SHD: variants seen among roughly 807,000 people sequenced by gnomAD.
The protein encoded by SHD is SH2 domain-containing adapter protein D.
SHD carries 29 observed loss-of-function variants against 31.2 expected under a neutral mutation model. The observed-to-expected ratio is 0.93, with a 90% confidence interval of 0.69 to 1.27. The LOEUF is 1.27. SHD is among the 50% of genes most tolerant of loss of function. The pLI is 0.00. For missense variants in SHD, 520 were observed against 453.8 expected (o/e 1.15, Z -1.33); for synonymous variants, 208 against 187.8 (o/e 1.11, Z -0.88).
Position 4,290,710 on chromosome 19 carries a change from A to G in SHD, c.*77A>G, listed in dbSNP as rs151167249. On this transcript the variant is annotated 3_prime_UTR_variant, in exon 6 of 6. Transcript: ENST00000543264. ...AGCCCTCCCATGGCCTAGAAAATAAATAAGTTATTGTTTGTCTTAGTGTCC... is the reference window on the plus strand; with the variant it reads ...AGCCCTCCCATGGCCTAGAAAATAAGTAAGTTATTGTTTGTCTTAGTGTCC... 7.0e-7 allele frequency: 1 copy of G among 1,423,292 alleles called. No individual in the cohort carries two copies. The allele number at this position is 1,423,292 out of a possible 1,614,324, so 88.2% of individuals were successfully genotyped here.
intron 4 of SHD, among the ~76,000 whole-genome samples, chr19:4,286,241 T>TTCTTTCTTTCTTTCTTTCTC (rs1176712881): frequency 4.8e-5 from 5 of 104,312 alleles, no homozygotes; most frequent in South Asian, 3.6e-4. Context: ...TTTTCTTTCT[T>TTCTTTCTTTCTTTCTTTCTC]TCTTTCTTTC....
chr19:4,280,449 T>C (rs1971246586), intron 1 of SHD, 89 bp downstream of exon 1: 1 of 1,395,202 alleles, frequency 7.2e-7, no homozygotes, highest in African/African-American at 1.4e-5. Flanking sequence ...TTATGTGTGA[T>C]CACAGGAGGG....
chr19:4,289,407 G>C (rs1340158735), intron 5 of SHD, among the ~76,000 whole-genome samples: 1 of 151,172 alleles, frequency 6.6e-6, no homozygotes, highest in East Asian at 2.0e-4. Context: ...CGCCATGCCC[G>C]GCTAATTTTT....
chr19:4,284,944 G>A, intron 4 of SHD, 40 bp downstream of exon 4: 3 of 1,512,188 alleles, frequency 2.0e-6, no homozygotes, highest in East Asian at 2.5e-5. Context: ...CCCGTTGAAC[G>A]TATCTGTAGA....
intron 1 of SHD, among the ~76,000 whole-genome samples, chr19:4,281,504 T>G (rs1269054972): frequency 2.3e-5 from 3 of 133,246 alleles, no homozygotes; most frequent in Non-Finnish European, 4.7e-5. Flanking sequence ...ACACCTGTAA[T>G]CCCAGCACTT....
At chr19:4,281,062 C>G (rs1971252119) in intron 1 of SHD, among the ~76,000 whole-genome samples, 1 of 151,948 alleles carries the variant, frequency 6.6e-6, no homozygotes, top group Non-Finnish European at 1.5e-5. Flanking sequence ...CTTCCTACCA[C>G]TATGTTCCCG....
At chr19:4,287,466 G>A (rs554115459) in intron 4 of SHD, among the ~76,000 whole-genome samples, 11 of 151,956 alleles carry the variant, frequency 7.2e-5, no homozygotes, top group African/African-American at 1.2e-4. Context: ...TCAAGTGTAC[G>A]ATAACCAGGG....
At chr19:4,286,322 T>TCCTTCCTA (rs61087690) in intron 4 of SHD, among the ~76,000 whole-genome samples, 1,478 of 137,494 alleles carry the variant, frequency 0.011, 51 homozygotes, top group African/African-American at 0.03. Flanking sequence ...CTTCCTACCT[T>TCCTTCCTA]CCTTCCTTCC....
Position 4,280,217 on chromosome 19 carries a change from C to T in SHD, c.154C>T (p.Arg52Cys), listed in dbSNP as rs780651125. 59 of 1,613,782 alleles carry T rather than the reference C, an allele frequency of 3.7e-5. No individual in the cohort carries two copies. Among genetic ancestry groups the T allele is most frequent in the African/African-American group, 9.3e-5 (7 of 74,914 alleles). The change falls in exon 1 of 6, where the codon CGC becomes TGC. Residue 52 changes from arginine to cysteine, a missense_variant. By Grantham distance (180) the Arg-to-Cys change is radical (BLOSUM62 -3). Coordinates refer to ENST00000543264, the MANE Select transcript of SHD (RefSeq NM_020209.4). ...GGACCCCTATGAGGACGCGGAGAGC[C>T]GCTTGGAGCCGGACCCCGCGGGCCC... ...FEDPYEDAES[R>C]LEPDPAGPGD...
At chr19:4,288,933 C>T (rs1032798052) in intron 5 of SHD, among the ~76,000 whole-genome samples, 7 of 151,866 alleles carry the variant, frequency 4.6e-5, no homozygotes, top group East Asian at 1.9e-4. Flanking sequence ...GTCAGGAGTT[C>T]GAGACCAGCC....
chr19:4,282,063 G>A (rs907880979), intron 1 of SHD, among the ~76,000 whole-genome samples: 1 of 152,158 alleles, frequency 6.6e-6, no homozygotes, highest in African/African-American at 2.4e-5. Flanking sequence ...GGGAGACGTG[G>A]GAAGCCAGCC....
chr19:4,283,206 G>A lies in SHD; in HGVS notation c.556G>A (p.Glu186Lys). The A allele has an allele frequency of 6.2e-7, 1 of 1,614,070 alleles. No individual in the cohort carries two copies. Among genetic ancestry groups the A allele is most frequent in the Non-Finnish European group, 8.5e-7 (1 of 1,179,966 alleles). The change falls in exon 3 of 6, where the codon GAG becomes AAG. Residue 186 changes from glutamate to lysine, a missense_variant. Glu to Lys is a moderately conservative substitution (Grantham distance 56). Transcript: ENST00000543264. ...AGCAGATGAGTATGATCAGCCCTGG[G>A]AGTGGAAGAAAGACCACATCTCCAG... The part of the protein sequence containing the change: ...RPADEYDQPW[E>K]WKKDHISRAF...
rs71340905 is a variant in SHD at position 4,286,279 on chromosome 19, CT to C, written c.716+1382del. 6.2e-3 allele frequency among the ~76,000 whole-genome samples: 718 copies of C among 115,880 alleles called. 14 individuals are homozygous for C. Among genetic ancestry groups the C allele is most frequent in the Non-Finnish European group, 5.7e-3 (299 of 52,844 alleles). 76.0% of individuals were successfully genotyped at this position (115,880 alleles called of 152,430 possible). The stretch of plus-strand genomic sequence containing the variant: ...TCTTTCTCTCTTTCTTTCTTTCTTT[CT>C]TTTTTTCTTTCCTTCCTTCCTTCCT... On this transcript the variant is annotated intron_variant, in intron 4 of 5. Coordinates refer to ENST00000543264, the MANE Select transcript of SHD (RefSeq NM_020209.4).
rs540470802 is a variant in SHD at position 4,283,017 on chromosome 19, T to C, written c.404-37T>C. The C allele has an allele frequency of 4.3e-6, 7 of 1,614,036 alleles. No individual in the cohort carries two copies. The East Asian group carries it at 1.1e-4, about 26-fold the overall frequency. ...TGGGGGAAGGTGACAGGGTCCCAGATGGGAGCAGGAGCTGAACAGTGTCCC... is the reference window on the plus strand; with the variant it reads ...TGGGGGAAGGTGACAGGGTCCCAGACGGGAGCAGGAGCTGAACAGTGTCCC... On this transcript the variant is annotated intron_variant, in intron 2 of 5. Coordinates refer to ENST00000543264, the MANE Select transcript of SHD (RefSeq NM_020209.4).
In SHD at chr19:4,288,209, G is replaced by A. The variant is rs568883041; in HGVS notation, c.717-34G>A. 1.2e-5 allele frequency: 19 copies of A among 1,603,628 alleles called. No individual in the cohort carries two copies. In the South Asian group the frequency reaches 1.9e-4, roughly 16 times the overall value. On this transcript the variant is annotated intron_variant, in intron 4 of 5. Transcript: ENST00000543264. ...GCCCCAGAGTGTGTTTGAAGGGAAT[G>A]GCCCTTGATGAGACATCTGTCCATA...
At chr19:4,286,198 TTCTTTTTC>T (rs1377689837) in intron 4 of SHD, among the ~76,000 whole-genome samples, 3 of 133,660 alleles carry the variant, frequency 2.2e-5, no homozygotes, top group Admixed American at 8.1e-5. Context: ...GGCCCGCTCT[TTCTTTTTC>T]TTTCTTTCTT....
chr19:4,286,907 G>C (rs1971325532), intron 4 of SHD, among the ~76,000 whole-genome samples: 1 of 151,684 alleles, frequency 6.6e-6, no homozygotes. Context: ...ATTAAGAAAG[G>C]GGCTGGGTAA....
Position 4,279,809 on chromosome 19 carries a change from C to G in SHD, c.-255C>G. 1 of 521,076 alleles carries G rather than the reference C, an allele frequency of 1.9e-6. No homozygotes were observed. Among genetic ancestry groups the G allele is most frequent in the Non-Finnish European group, 3.4e-6 (1 of 298,132 alleles). 32.3% of individuals were successfully genotyped at this position (521,076 alleles called of 1,614,324 possible). ...GGCCCTGCGAGGTCCCCCCTTCCCC[C>G]GCGGTGCTTCCCAAGCTGGGCTAAG... On this transcript the variant is annotated 5_prime_UTR_variant, in exon 1 of 6. Transcript: ENST00000543264. The surrounding 1 kb of genome is among the most constrained non-coding windows in gnomAD (Gnocchi z 7.5).
In SHD at chr19:4,289,672, G is replaced by A. The variant is rs575985557; in HGVS notation, c.837-775G>A. Among the ~76,000 whole-genome samples the A allele has an allele frequency of 9.6e-3, 1,455 of 151,508 alleles. 11 individuals carry two copies. Among genetic ancestry groups the A allele is most frequent in the Middle Eastern group, 0.024 (7 of 292 alleles). On this transcript the variant is annotated intron_variant, in intron 5 of 5. Coordinates refer to ENST00000543264, the MANE Select transcript of SHD (RefSeq NM_020209.4). The stretch of plus-strand genomic sequence containing the variant: ...TGCAAGCTCCGCCTCCCGGGTTCAC[G>A]CCATTCTCCTGCCTCAGCCTCCCGA...
Sources: gnomAD v4.1 joint callset for allele counts (sites outside exome capture counted in the v4.1 genomes callset) on GRCh38, gnomAD v4.1.1 for gene constraint, Gnocchi (gnomAD v3.1) non-coding constraint, MANE v1.5 for transcripts, NCBI Gene and HGNC (gene_info 2026-07-23, HGNC 2026-07-21) for gene names.